The following LIPI variants were observed in gnomAD, a reference collection of about 807,000 sequenced individuals.
LIPI encodes the protein lipase member I.
LIPI carries 59 observed loss-of-function variants against 50.6 expected under a neutral mutation model. The ratio of observed to expected loss-of-function variants is 1.16; its 90% CI spans 0.94 to 1.45. LIPI has a LOEUF of 1.45. Ranked by LOEUF, LIPI falls within the 40% of genes most tolerant of loss-of-function variation. LIPI has a pLI of 0.00. For synonymous variants in LIPI, 203 were observed against 178.2 expected (o/e 1.14, Z -1.11); for missense variants, 586 against 536.3 (o/e 1.09, Z -0.92).
At chr21:14,160,281 A>G (rs1001896824) in intron 7 of LIPI, among the ~76,000 whole-genome samples, 5 of 151,402 alleles carry the variant, frequency 3.3e-5, no homozygotes, top group Non-Finnish European at 5.9e-5. Context: ...AAAGAAATGA[A>G]CACATACATA....
intron 9 of LIPI, among the ~76,000 whole-genome samples, chr21:14,136,882 C>T (rs139477891): frequency 1.6e-4 from 25 of 152,278 alleles, no homozygotes; most frequent in African/African-American, 6.0e-4. Context: ...GACAGAGAGA[C>T]TCTATATGTA....
chr21:14,174,531 T>C (rs544862091), intron 4 of LIPI, among the ~76,000 whole-genome samples: 1 of 151,114 alleles, frequency 6.6e-6, no homozygotes, highest in Non-Finnish European at 1.5e-5. Flanking sequence ...TTAAATAAAA[T>C]CATCTGTTGT....
At chr21:14,184,933 T>C (rs1336488396) in intron 3 of LIPI, among the ~76,000 whole-genome samples, 1 of 152,194 alleles carries the variant, frequency 6.6e-6, no homozygotes, top group Non-Finnish European at 1.5e-5. Context: ...GATAACTATC[T>C]ATATGTTATT....
At chr21:14,120,911 AGT>A (rs2016837726) in intron 9 of LIPI, among the ~76,000 whole-genome samples, 1 of 152,220 alleles carries the variant, frequency 6.6e-6, no homozygotes, top group South Asian at 2.1e-4. Context: ...ATCTGTGAGC[AGT>A]GTGTTACTTG....
chr21:14,119,625 T>C (rs2016788214), intron 9 of LIPI, among the ~76,000 whole-genome samples: 1 of 152,150 alleles, frequency 6.6e-6, no homozygotes, highest in Non-Finnish European at 1.5e-5. Context: ...AAGAACAGGA[T>C]ATGGCTTTCA....
chr21:14,130,392 C>A (rs974645013), intron 9 of LIPI, among the ~76,000 whole-genome samples: 1 of 152,074 alleles, frequency 6.6e-6, no homozygotes, highest in African/African-American at 2.4e-5. Context: ...GCATCTGTGC[C>A]CTGCCCTTGG....
intron 9 of LIPI, among the ~76,000 whole-genome samples, chr21:14,123,174 A>C (rs2016927609): frequency 6.6e-6 from 1 of 152,268 alleles, no homozygotes; most frequent in African/African-American, 2.4e-5. Context: ...TATCATTGGA[A>C]GATACTGCAT....
In LIPI at chr21:14,130,265, T is replaced by A. The variant is rs572510227; in HGVS notation, c.1295+14358A>T. Among the ~76,000 whole-genome samples the A allele has an allele frequency of 1.4e-3, 217 of 152,144 alleles. 1 individual carries two copies. Among genetic ancestry groups the A allele is most frequent in the Non-Finnish European group, 9.9e-4 (67 of 67,968 alleles). On this transcript the variant is annotated intron_variant, in intron 9 of 9. Transcript: ENST00000681601. ...TGAGGCAGGAGAATCGTGTGAACCC[T>A]GGATGCGGAAGTTGCAGTGAGCCGA...
At chr21:14,132,966 C>G (rs2017351089) in intron 9 of LIPI, among the ~76,000 whole-genome samples, 1 of 152,056 alleles carries the variant, frequency 6.6e-6, no homozygotes, top group South Asian at 2.1e-4. Context: ...TAAAACACCT[C>G]AACAGACCAA....
At chr21:14,151,677 T>C (rs765684310) in intron 8 of LIPI, among the ~76,000 whole-genome samples, 6 of 152,200 alleles carry the variant, frequency 3.9e-5, no homozygotes, top group Non-Finnish European at 7.3e-5. Flanking sequence ...ATATCATTCT[T>C]TTATTTAAGA....
intron 1 of LIPI, among the ~76,000 whole-genome samples, chr21:14,202,396 C>T (rs551641881): frequency 6.6e-6 from 1 of 152,132 alleles, no homozygotes; most frequent in Non-Finnish European, 1.5e-5. Context: ...GCCAAAAGAA[C>T]AAAGCTGGAG....
At chr21:14,130,193 A>G (rs981474626) in intron 9 of LIPI, among the ~76,000 whole-genome samples, 2 of 152,182 alleles carry the variant, frequency 1.3e-5, no homozygotes, top group African/African-American at 2.4e-5. Context: ...AGTGAAAGAT[A>G]GCCAGGTGTG....
At chr21:14,150,255 G>A (rs929165206) in intron 8 of LIPI, among the ~76,000 whole-genome samples, 2 of 152,152 alleles carry the variant, frequency 1.3e-5, no homozygotes, top group Non-Finnish European at 2.9e-5. Flanking sequence ...TCCTTGACAC[G>A]TGGGGATTAC....
intron 1 of LIPI, among the ~76,000 whole-genome samples, chr21:14,208,524 A>G (rs2020283376): frequency 6.6e-6 from 1 of 152,210 alleles, no homozygotes; most frequent in African/African-American, 2.4e-5. Flanking sequence ...TGTTTTTTAC[A>G]TGTTTAAATG....
At chr21:14,128,280 T>G (rs8133316) in intron 9 of LIPI, among the ~76,000 whole-genome samples, 4,144 of 152,176 alleles carry the variant, frequency 0.027, 180 homozygotes, top group African/African-American at 0.091. Flanking sequence ...TCTTCCACAA[T>G]GGGAATAATT....
At chr21:14,111,690 T>C (rs12627315) in intron 9 of LIPI, among the ~76,000 whole-genome samples, 76,229 of 151,848 alleles carry the variant, frequency 0.5, 19,199 homozygotes, top group Admixed American at 0.53. Flanking sequence ...AAGATGTTCC[T>C]TATATTTTCT....
At chr21:14,130,297 GCTATTGCACTCCAGC>G in intron 9 of LIPI, among the ~76,000 whole-genome samples, 1 of 152,118 alleles carries the variant, frequency 6.6e-6, no homozygotes, top group Non-Finnish European at 1.5e-5. Context: ...CCGAGATTGT[GCTATTGCACTCCAGC>G]CCAGGCAACA....
In LIPI at chr21:14,174,847, C is replaced by T. The variant is rs555123648; in HGVS notation, c.643+6911G>A. 1.7e-4 allele frequency among the ~76,000 whole-genome samples: 26 copies of T among 152,290 alleles called. 1 individual carries two copies. Among genetic ancestry groups the T allele is most frequent in the South Asian group, 8.3e-4 (4 of 4,820 alleles). On this transcript the variant is annotated intron_variant, in intron 4 of 9. Coordinates refer to ENST00000681601, the MANE Select transcript of LIPI (RefSeq NM_001302998.2). ...GATTACAGGCGTGAGCCACCGCACC[C>T]GGCCTGTTTTCATTCTTTATCTTCT...
chr21:14,121,440 C>T (rs887338843), intron 9 of LIPI, among the ~76,000 whole-genome samples: 15 of 152,200 alleles, frequency 9.9e-5, no homozygotes, highest in East Asian at 1.9e-4. Flanking sequence ...AGTGTACAGC[C>T]GACCAACTGC....
Sources: gnomAD v4.1 joint callset for allele counts (sites outside exome capture counted in the v4.1 genomes callset) on GRCh38, gnomAD v4.1.1 for gene constraint, MANE v1.5 for transcripts, NCBI Gene and HGNC (gene_info 2026-07-23, HGNC 2026-07-21) for gene names.